GRIA4: variants seen among roughly 807,000 people sequenced by gnomAD.
The protein encoded by GRIA4 is glutamate receptor 4.
A neutral mutation model predicts 104.0 loss-of-function variants in GRIA4; 34 were observed. The ratio of observed to expected loss-of-function variants is 0.33; its 90% CI spans 0.25 to 0.44. GRIA4 has a LOEUF of 0.44. Ranked by LOEUF, GRIA4 falls within the 20% of genes least tolerant of loss-of-function variation. The pLI is 1.00. For synonymous variants in GRIA4, 386 were observed against 381.9 expected, an observed-to-expected ratio of 1.01 and a Z score of -0.13; for missense variants, 750 against 1,096.5, an observed-to-expected ratio of 0.68 and a Z score of 4.46.
At chr11:105,966,603 A>G (rs1241337458) in intron 14 of GRIA4, among the ~76,000 whole-genome samples, 1 of 152,220 alleles carries the variant, frequency 6.6e-6, no homozygotes, top group Non-Finnish European at 1.5e-5. Flanking sequence ...TTTGCCTTCC[A>G]TAAATGGATC....
intron 11 of GRIA4, 42 bp from the exon 12 acceptor site, chr11:105,924,357 A>C: frequency 6.8e-7 from 1 of 1,462,552 alleles, no homozygotes; most frequent in Non-Finnish European, 9.3e-7. Flanking sequence ...GCTTCATGAA[A>C]TTCATTAACC....
At chr11:105,754,124 G>A (rs1370100089) in intron 4 of GRIA4, among the ~76,000 whole-genome samples, 1 of 152,020 alleles carries the variant, frequency 6.6e-6, no homozygotes, top group Non-Finnish European at 1.5e-5. Flanking sequence ...TTCGTCTTTT[G>A]GTAACAAGCT....
intron 3 of GRIA4, among the ~76,000 whole-genome samples, chr11:105,694,078 A>G (rs1042179595): frequency 6.6e-6 from 1 of 152,152 alleles, no homozygotes; most frequent in Non-Finnish European, 1.5e-5. Flanking sequence ...CTTATTTTGA[A>G]TAGGTAAACT....
At chr11:105,788,534 C>T (rs764698444) in intron 4 of GRIA4, among the ~76,000 whole-genome samples, 13 of 152,054 alleles carry the variant, frequency 8.5e-5, no homozygotes, top group African/African-American at 1.2e-4. Context: ...ATATATAGTA[C>T]ATATACAACA....
intron 3 of GRIA4, among the ~76,000 whole-genome samples, chr11:105,714,353 T>A (rs615373): frequency 6.6e-6 from 1 of 152,102 alleles, no homozygotes. Flanking sequence ...CAAATCACAC[T>A]GTTTTAAATT....
chr11:105,736,847 G>C (rs1938986778), intron 3 of GRIA4, among the ~76,000 whole-genome samples: 1 of 151,978 alleles, frequency 6.6e-6, no homozygotes, highest in Non-Finnish European at 1.5e-5. Flanking sequence ...ATGCCTTTAA[G>C]ATTAAGATTA....
At chr11:105,775,408 C>T (rs1038809913) in intron 4 of GRIA4, among the ~76,000 whole-genome samples, 5 of 152,010 alleles carry the variant, frequency 3.3e-5, no homozygotes, top group Non-Finnish European at 4.4e-5. Flanking sequence ...GCTAAAGATA[C>T]TATATATGCT....
intron 3 of GRIA4, among the ~76,000 whole-genome samples, chr11:105,744,430 C>T (rs1939518132): frequency 6.6e-6 from 1 of 152,116 alleles, no homozygotes. Flanking sequence ...CAGTTATATT[C>T]ATATCGAAAA....
intron 5 of GRIA4, among the ~76,000 whole-genome samples, chr11:105,883,807 G>T (rs1193979317): frequency 6.6e-6 from 1 of 152,118 alleles, no homozygotes; most frequent in Admixed American, 6.5e-5. Context: ...TGGGATGGCT[G>T]GGTCGAATGG....
intron 7 of GRIA4, among the ~76,000 whole-genome samples, chr11:105,898,688 A>AT (rs555210432): frequency 6.6e-6 from 1 of 151,980 alleles, no homozygotes; most frequent in African/African-American, 2.4e-5. Flanking sequence ...TCAGAATTAA[A>AT]TTTTTTTTAA....
chr11:105,787,604 T>A (rs1409254076), intron 4 of GRIA4, among the ~76,000 whole-genome samples: 3 of 150,542 alleles, frequency 2.0e-5, no homozygotes, highest in Non-Finnish European at 2.9e-5. Flanking sequence ...GCCTCCTGAG[T>A]AGCTGGGATT....
intron 14 of GRIA4, 28 bp downstream of exon 14, chr11:105,933,997 A>C (rs1490732362): frequency 6.4e-7 from 1 of 1,567,726 alleles, no homozygotes; most frequent in African/African-American, 1.3e-5. Flanking sequence ...ACAATATAAC[A>C]TGTGTTGTTA....
At chr11:105,737,269 C>CA (rs1417114928) in intron 3 of GRIA4, among the ~76,000 whole-genome samples, 2 of 151,824 alleles carry the variant, frequency 1.3e-5, no homozygotes, top group Admixed American at 6.6e-5. Flanking sequence ...TGAATACAGC[C>CA]AAAAAATAAC....
At chr11:105,677,635 C>G (rs1002274916) in intron 3 of GRIA4, among the ~76,000 whole-genome samples, 1 of 151,836 alleles carries the variant, frequency 6.6e-6, no homozygotes, top group African/African-American at 2.4e-5. Flanking sequence ...TTTAGCCCAC[C>G]ACCTCTCAAA....
rs1267726072 is a variant in GRIA4, at chr11:105,629,097, T to C, written c.247+16663T>C. ...CTCCACCAAAAAAAAAAAAAAAAAT[T>C]AGCGTGGCTGCCACTGCTATATAGT... On this transcript the variant is annotated intron_variant, in intron 3 of 16. Transcript: ENST00000282499. Among the ~76,000 whole-genome samples, 3 of 94,310 alleles carry C rather than the reference T, an allele frequency of 3.2e-5. No individual in the cohort carries two copies. The South Asian group carries it at 1.1e-3, about 33-fold the overall frequency. 61.9% of individuals were successfully genotyped at this position (94,310 alleles called of 152,430 possible).
At chr11:105,732,115 C>T (rs1938635494) in intron 3 of GRIA4, among the ~76,000 whole-genome samples, 1 of 152,166 alleles carries the variant, frequency 6.6e-6, no homozygotes, top group Non-Finnish European at 1.5e-5. Flanking sequence ...CAGCTACTAT[C>T]TCTAGGCTGA....
At chr11:105,978,085 T>G (rs1859078623) in intron 16 of GRIA4, among the ~76,000 whole-genome samples, 1 of 152,082 alleles carries the variant, frequency 6.6e-6, no homozygotes, top group Admixed American at 6.5e-5. Flanking sequence ...TGTACAGTTC[T>G]GCAGGTTTGA....
In GRIA4 at chr11:105,753,102, T is replaced by G. The variant is rs1465982676; in HGVS notation, c.369T>G (p.Pro123=). ...TCTCCCTCATCACACCAAGTTTCCCTACTGAGGGGGAGAGCCAGTTTGTGC... is the reference window on the plus strand; with the variant it reads ...TCTCCCTCATCACACCAAGTTTCCCGACTGAGGGGGAGAGCCAGTTTGTGC... ...LHISLITPSF[P]TEGESQFVLQ... The change falls in exon 4 of 17, where the codon CCT becomes CCG. Residue 123 remains proline, a synonymous_variant. Coordinates refer to ENST00000282499, the MANE Select transcript of GRIA4 (RefSeq NM_000829.4). 6.2e-7 allele frequency: 1 copy of G among 1,613,888 alleles called. No homozygotes were observed. Among genetic ancestry groups the G allele is most frequent in the African/African-American group, 1.3e-5 (1 of 75,006 alleles).
intron 4 of GRIA4, among the ~76,000 whole-genome samples, chr11:105,802,934 C>G (rs1369014437): frequency 2.6e-5 from 4 of 151,642 alleles, no homozygotes; most frequent in Non-Finnish European, 5.9e-5. Context: ...TAAAATCTTA[C>G]AATAGTGCTA....
Sources: allele counts gnomAD v4.1 joint callset (sites outside exome capture counted in the v4.1 genomes callset), GRCh38; gene constraint gnomAD v4.1.1; transcripts MANE v1.5; gene names NCBI Gene and HGNC (gene_info 2026-07-23, HGNC 2026-07-21).